Variants in LRMDA observed in about 807,000 individuals in gnomAD.
The protein encoded by LRMDA is leucine rich melanocyte differentiation associated, also known as leucine-rich melanocyte differentiation-associated protein.
In LRMDA, 18 loss-of-function variants were observed where a neutral mutation model predicts 29.8. That is an observed-to-expected ratio of 0.60 (90% CI 0.42 to 0.90). LRMDA has a LOEUF of 0.90. Ranked by LOEUF, LRMDA falls within the 40% of genes least tolerant of loss-of-function variation. The probability of loss-of-function intolerance (pLI) is 0.00; values close to 1 mark genes in which losing one functional copy is unlikely to be tolerated. For missense variants in LRMDA, 273 were observed against 273.9 expected, an observed-to-expected ratio of 1.00 and a Z score of 0.02; for synonymous variants, 125 against 109.4, an observed-to-expected ratio of 1.14 and a Z score of -0.89.
chr10:76,399,800 A>G (rs1448795203), intron 6 of LRMDA, among the ~76,000 whole-genome samples: 1 of 152,198 alleles, frequency 6.6e-6, no homozygotes, highest in African/African-American at 2.4e-5. Context: ...CCTGTGAATT[A>G]TACCACTTGA....
intron 2 of LRMDA, among the ~76,000 whole-genome samples, chr10:75,522,074 A>G (rs1564791694): frequency 6.6e-6 from 1 of 152,160 alleles, no homozygotes. Context: ...GGTGGTGTCA[A>G]TGGTGGGAGT....
At chr10:76,037,889 A>C (rs908396557) in intron 3 of LRMDA, among the ~76,000 whole-genome samples, 1 of 152,196 alleles carries the variant, frequency 6.6e-6, no homozygotes, top group Non-Finnish European at 1.5e-5. Flanking sequence ...CATTATTGTC[A>C]CTTTGATAGA....
At chr10:75,724,462 C>G (rs998337422) in intron 2 of LRMDA, among the ~76,000 whole-genome samples, 1 of 152,118 alleles carries the variant, frequency 6.6e-6, no homozygotes, top group Non-Finnish European at 1.5e-5. Context: ...CTCTTAGTTT[C>G]AAAATTTATC....
chr10:76,213,206 T>C lies in LRMDA; in HGVS notation c.517-111195T>C, dbSNP rs144460670. 8.9e-4 allele frequency among the ~76,000 whole-genome samples: 136 copies of C among 152,366 alleles called. 1 individual carries two copies. Among genetic ancestry groups the C allele is most frequent in the African/African-American group, 3.1e-3 (130 of 41,592 alleles). ...GGCTAATTTGCAGACCTGCTTTGCATTGGCATCTAGACCAGTGTTCGTTAC... is the reference window on the plus strand; with the variant it reads ...GGCTAATTTGCAGACCTGCTTTGCACTGGCATCTAGACCAGTGTTCGTTAC... On this transcript the variant is annotated intron_variant, in intron 5 of 6. Transcript: ENST00000611255.
intron 2 of LRMDA, among the ~76,000 whole-genome samples, chr10:75,564,336 C>G (rs935039439): frequency 2.6e-5 from 4 of 152,190 alleles, no homozygotes; most frequent in African/African-American, 9.6e-5. Context: ...ACCCTCTGAG[C>G]CAGGTGTGGG....
chr10:75,865,321 G>C (rs1010814144), intron 2 of LRMDA, among the ~76,000 whole-genome samples: 5 of 152,174 alleles, frequency 3.3e-5, no homozygotes, highest in African/African-American at 1.2e-4. Context: ...TTCTAGATCT[G>C]AATGGAGGTA....
intron 2 of LRMDA, among the ~76,000 whole-genome samples, chr10:75,562,384 G>A (rs1458636461): frequency 2.0e-5 from 3 of 151,878 alleles, no homozygotes; most frequent in Non-Finnish European, 2.9e-5. Flanking sequence ...CATTTGCTTG[G>A]TAGATCTTCC....
chr10:75,598,726 G>A, intron 2 of LRMDA, among the ~76,000 whole-genome samples: 1 of 151,962 alleles, frequency 6.6e-6, no homozygotes, highest in Non-Finnish European at 1.5e-5. Context: ...CTCCTTCCGC[G>A]GTCTTTCTTA....
Position 76,471,432 on chromosome 10 carries a change from A to G in LRMDA, c.602-85777A>G, listed in dbSNP as rs976847263. Among the ~76,000 whole-genome samples the G allele has an allele frequency of 7.2e-5, 11 of 151,754 alleles. No individual in the cohort carries two copies. The East Asian group carries it at 1.2e-3, about 16-fold the overall frequency. The stretch of plus-strand genomic sequence containing the variant: ...AAAATCTAATAAAATAACTCAAAAT[A>G]TAGCGAAAAATTATTAAAGAAATTA... On this transcript the variant is annotated intron_variant, in intron 6 of 6. Coordinates refer to ENST00000611255, the MANE Select transcript of LRMDA (RefSeq NM_001305581.2).
rs377256602 is a variant in LRMDA, at chr10:76,170,795, T to G, written c.516+112012T>G. ...TTAATCCAGAAATTGAACTCTGGAC[T>G]GAAGTTCACCTTCTCTTATTTGAAA... is the stretch of plus-strand genomic sequence containing the variant. On this transcript the variant is annotated intron_variant, in intron 5 of 6. Transcript: ENST00000611255. Among the ~76,000 whole-genome samples the G allele has an allele frequency of 9.8e-5, 15 of 152,344 alleles. No individual in the cohort carries two copies. The East Asian group carries it at 2.1e-3, about 22-fold the overall frequency.
intron 2 of LRMDA, among the ~76,000 whole-genome samples, chr10:75,610,386 A>G (rs919293406): frequency 1.2e-4 from 18 of 151,652 alleles, no homozygotes; most frequent in African/African-American, 4.1e-4. Context: ...ACACCCCCAC[A>G]TACAACATAC....
chr10:75,624,133 A>G (rs1841221546), intron 2 of LRMDA, among the ~76,000 whole-genome samples: 1 of 152,170 alleles, frequency 6.6e-6, no homozygotes, highest in Non-Finnish European at 1.5e-5. Context: ...CCTATCCTTC[A>G]TGTGCACATG....
chr10:75,832,491 C>T (rs1435074310), intron 2 of LRMDA, among the ~76,000 whole-genome samples: 1 of 152,164 alleles, frequency 6.6e-6, no homozygotes, highest in African/African-American at 2.4e-5. Flanking sequence ...CCAAACTTTC[C>T]CATATTTTCC....
chr10:75,918,152 C>A (rs569994548), intron 2 of LRMDA, among the ~76,000 whole-genome samples: 1 of 152,170 alleles, frequency 6.6e-6, no homozygotes, highest in South Asian at 2.1e-4. Context: ...AGCAGTGTCA[C>A]GGCTCACTGG....
At chr10:76,028,276 C>T (rs1848093765) in intron 2 of LRMDA, among the ~76,000 whole-genome samples, 1 of 152,100 alleles carries the variant, frequency 6.6e-6, no homozygotes, top group South Asian at 2.1e-4. Context: ...GTGAATTTTC[C>T]ATCCAAGGTT....
At chr10:75,919,107 C>A (rs1432819886) in intron 2 of LRMDA, among the ~76,000 whole-genome samples, 1 of 152,164 alleles carries the variant, frequency 6.6e-6, no homozygotes, top group Non-Finnish European at 1.5e-5. Context: ...ACAGGAGGAC[C>A]TGAGGTTCTA....
chr10:76,221,806 G>A (rs1029215406), intron 5 of LRMDA, among the ~76,000 whole-genome samples: 34 of 152,138 alleles, frequency 2.2e-4, no homozygotes, highest in South Asian at 1.7e-3. Context: ...AGCCCACATC[G>A]CCAAGTCAAT....
chr10:75,810,429 G>A (rs1452191920), intron 2 of LRMDA, among the ~76,000 whole-genome samples: 3 of 152,154 alleles, frequency 2.0e-5, no homozygotes, highest in Admixed American at 6.5e-5. Context: ...GGAGGGAGAA[G>A]GTGTGCAGGA....
intron 2 of LRMDA, among the ~76,000 whole-genome samples, chr10:75,940,230 T>C (rs1846365933): frequency 6.6e-6 from 1 of 151,992 alleles, no homozygotes; most frequent in East Asian, 1.9e-4. Context: ...AACTGAAAAA[T>C]ACAGAAGGCA....
Sources: gnomAD v4.1 joint callset for allele counts (sites outside exome capture counted in the v4.1 genomes callset) on GRCh38, gnomAD v4.1.1 for gene constraint, MANE v1.5 for transcripts, NCBI Gene and HGNC (gene_info 2026-07-23, HGNC 2026-07-21) for gene names.